Variants in NSL1 observed in about 807,000 individuals in gnomAD.
The protein encoded by NSL1 is kinetochore-associated protein NSL1 homolog.
In NSL1, 11 loss-of-function variants were observed where a neutral mutation model predicts 25.4. That is an observed-to-expected ratio of 0.43 (90% confidence interval 0.27 to 0.72). NSL1 has a LOEUF of 0.72. Among genes scored for constraint, NSL1 ranks in the 30% least tolerant of loss-of-function variants. The pLI, the probability that NSL1 is intolerant of heterozygous loss-of-function variation, is 0.19. For missense variants in NSL1, 330 were observed against 342.7 expected, an observed-to-expected ratio of 0.96 and a Z score of 0.29; for synonymous variants, 118 against 120.6, an observed-to-expected ratio of 0.98 and a Z score of 0.14.
At position 212,728,630 on chromosome 1, in the gene NSL1, C is replaced by T. The variant is rs1158288481; in HGVS notation, c.*9778G>A. On this transcript the variant is annotated 3_prime_UTR_variant, in exon 6 of 6. Transcript: ENST00000366977. ...AATGGTTTCTGAGAATTCTGAGGCT[C>T]TGATCTGATGAGTGAAGGGAACCAC... The T allele has an allele frequency of 5.1e-6, 5 of 985,308 alleles. No individual in the cohort carries two copies. The highest frequency in any genetic ancestry group is 1.2e-4 in the Admixed American group (2 of 16,266). The allele number at this position is 985,308 out of a possible 1,614,324, so 61.0% of individuals were successfully genotyped here.
chr1:212,745,160 C>CAAACTATA (rs1268799355), intron 4 of NSL1, among the ~76,000 whole-genome samples: 20 of 117,606 alleles, frequency 1.7e-4, no homozygotes, highest in East Asian at 5.3e-4. Flanking sequence ...AACAAACAAA[C>CAAACTATA]TATATATATA....
chr1:212,771,548 A>T (rs1424597335), intron 4 of NSL1, among the ~76,000 whole-genome samples: 2 of 150,628 alleles, frequency 1.3e-5, no homozygotes, highest in Non-Finnish European at 3.0e-5. Context: ...GAAATGAGGA[A>T]GTCAAACTGT....
chr1:212,778,355 T>C (rs1362875536), intron 4 of NSL1, among the ~76,000 whole-genome samples: 1 of 152,230 alleles, frequency 6.6e-6, no homozygotes, highest in Non-Finnish European at 1.5e-5. Context: ...CTGCCTAGTT[T>C]TGAAAAACAG....
In NSL1 at chr1:212,732,511, C is replaced by A. The variant is rs1343760381; in HGVS notation, c.*5897G>T. 1.8e-6 allele frequency: 1 copy of A among 558,308 alleles called. No individual in the cohort carries two copies. The highest frequency in any genetic ancestry group is 2.3e-6 in the Non-Finnish European group (1 of 439,828). The allele number at this position is 558,308 out of a possible 1,614,324, so 34.6% of individuals were successfully genotyped here. On this transcript the variant is annotated 3_prime_UTR_variant, in exon 6 of 6. Transcript: ENST00000366977. ...ATTTTTAGTTGTTGGTCAGGCTGGT[C>A]TCCAATTCCCAGCCTCAGGTGATCT...
rs59293969 is a variant in NSL1 at position 212,745,160 on chromosome 1, CTA to C, written c.500-5561_500-5560del. On this transcript the variant is annotated intron_variant, in intron 4 of 5. Coordinates refer to ENST00000366977, the MANE Select transcript of NSL1 (RefSeq NM_015471.4). ...CAAAACAAACAAACAAACAAACAAA[CTA>C]TATATATATATATATATATATATAT... Among the ~76,000 whole-genome samples the C allele has an allele frequency of 5.6e-3, 657 of 117,198 alleles. 4 individuals carry two copies. The highest frequency in any genetic ancestry group is 0.016 in the African/African-American group (394 of 24,536). 76.9% of individuals were successfully genotyped at this position (117,198 alleles called of 152,430 possible).
intron 4 of NSL1, among the ~76,000 whole-genome samples, chr1:212,744,190 C>A (rs1255739698): frequency 6.6e-6 from 1 of 152,058 alleles, no homozygotes. Flanking sequence ...GAAGGCATAT[C>A]CCGACATACA....
At chr1:212,781,431 G>T (rs1660728162) in intron 4 of NSL1, among the ~76,000 whole-genome samples, 1 of 152,098 alleles carries the variant, frequency 6.6e-6, no homozygotes, top group African/African-American at 2.4e-5. Flanking sequence ...CCCCTTTTTA[G>T]TGAACCATGA....
Position 212,736,042 on chromosome 1 carries a change from CTTATTA to C in NSL1, c.*2360_*2365del, listed in dbSNP as rs1306266953. The C allele has an allele frequency of 1.0e-6, 1 of 985,298 alleles. No homozygotes were observed. Among genetic ancestry groups the C allele is most frequent in the Non-Finnish European group, 1.2e-6 (1 of 829,862 alleles). The allele number at this position is 985,298 out of a possible 1,614,324, so 61.0% of individuals were successfully genotyped here. A position where few individuals can be genotyped will look rare whatever the true frequency, so the allele number is the denominator to read the frequency against. On this transcript the variant is annotated 3_prime_UTR_variant, in exon 6 of 6. Transcript: ENST00000366977. Reference sequence around the variant, plus strand: ...CTAGACTTAACCTTCTTGTGTTCTTCTTATTATTATTTTGAAACAGGGTCTCACTCT... The same window carrying C: ...CTAGACTTAACCTTCTTGTGTTCTTCTTATTTTGAAACAGGGTCTCACTCT...
At position 212,734,290 on chromosome 1, in the gene NSL1, A is replaced by T. The variant is rs1658145443; in HGVS notation, c.*4118T>A. Among the ~76,000 whole-genome samples, 1 of 152,220 alleles carries T rather than the reference A, an allele frequency of 6.6e-6. No homozygotes were observed. The highest frequency in any genetic ancestry group is 1.5e-5 in the Non-Finnish European group (1 of 68,042). The stretch of plus-strand genomic sequence containing the variant: ...CCCATCATGTGCCAGCAATTATTCC[A>T]GGTGGATGGAACAAAGATTCCTGCC... On this transcript the variant is annotated 3_prime_UTR_variant, in exon 6 of 6. Coordinates refer to ENST00000366977, the MANE Select transcript of NSL1 (RefSeq NM_015471.4).
rs1372495398 is a variant in NSL1 at position 212,737,834 on chromosome 1, T to C, written c.*574A>G. ...TATCATTGTCTTACACAACAAAAAATCCTAAAGTTAATCTCACAAACCTAA... is the reference window on the plus strand; with the variant it reads ...TATCATTGTCTTACACAACAAAAAACCCTAAAGTTAATCTCACAAACCTAA... On this transcript the variant is annotated 3_prime_UTR_variant, in exon 6 of 6. Coordinates refer to ENST00000366977, the MANE Select transcript of NSL1 (RefSeq NM_015471.4). 1 of 985,154 alleles carries C rather than the reference T, an allele frequency of 1.0e-6. No homozygotes were observed. Among genetic ancestry groups the C allele is most frequent in the African/African-American group, 1.7e-5 (1 of 57,196 alleles). The allele number at this position is 985,154 out of a possible 1,614,324, so 61.0% of individuals were successfully genotyped here. A position where few individuals can be genotyped will look rare whatever the true frequency, so the allele number is the denominator to read the frequency against.
intron 4 of NSL1, among the ~76,000 whole-genome samples, chr1:212,751,300 T>C (rs1470933801): frequency 6.6e-6 from 1 of 152,160 alleles, no homozygotes; most frequent in Non-Finnish European, 1.5e-5. Flanking sequence ...TCTCAATCAA[T>C]CTTATGCAAT....
intron 4 of NSL1, among the ~76,000 whole-genome samples, chr1:212,769,924 T>C (rs1436422583): frequency 1.3e-5 from 2 of 152,166 alleles, no homozygotes; most frequent in Non-Finnish European, 2.9e-5. Context: ...TAAAAAAGTA[T>C]GGCCCAACTA....
In NSL1 at chr1:212,734,687, A is replaced by G. The variant is rs1344689706; in HGVS notation, c.*3721T>C. 1.3e-5 allele frequency among the ~76,000 whole-genome samples: 2 copies of G among 152,202 alleles called. No homozygotes were observed. Among genetic ancestry groups the G allele is most frequent in the Admixed American group, 6.5e-5 (1 of 15,280 alleles). On this transcript the variant is annotated 3_prime_UTR_variant, in exon 6 of 6. Coordinates refer to ENST00000366977, the MANE Select transcript of NSL1 (RefSeq NM_015471.4). ...ATCTTTGATATTGATCCACATTGTTATAACAGTAATTTGTTCTTTATTCCT... is the reference window on the plus strand; with the variant it reads ...ATCTTTGATATTGATCCACATTGTTGTAACAGTAATTTGTTCTTTATTCCT...
intron 4 of NSL1, among the ~76,000 whole-genome samples, chr1:212,769,780 A>G (rs1483365901): frequency 6.6e-6 from 1 of 152,186 alleles, no homozygotes; most frequent in African/African-American, 2.4e-5. Context: ...ACAATGAGAG[A>G]AAGGAACAAA....
At chr1:212,764,879 A>AAAAAAAAAAAAAAAAAG (rs1659733993) in intron 4 of NSL1, among the ~76,000 whole-genome samples, 1 of 136,638 alleles carries the variant, frequency 7.3e-6, no homozygotes, top group African/African-American at 3.0e-5. Context: ...AAAGAAAGAA[A>AAAAAAAAAAAAAAAAAG]GAAAAAAAAA....
intron 4 of NSL1, among the ~76,000 whole-genome samples, chr1:212,772,500 C>A (rs1382016526): frequency 6.6e-6 from 1 of 150,650 alleles, no homozygotes; most frequent in Non-Finnish European, 1.5e-5. Flanking sequence ...TACCAAAAAA[C>A]AAAAATAAAT....
chr1:212,748,032 C>T (rs61829226), intron 4 of NSL1, among the ~76,000 whole-genome samples: 60,681 of 151,542 alleles, frequency 0.4, 13,703 homozygotes, highest in Non-Finnish European at 0.5. Flanking sequence ...TCCCAAAGTG[C>T]TGGGATTACA....
Position 212,760,728 on chromosome 1 carries a change from C to T in NSL1, c.500-21127G>A, listed in dbSNP as rs1659526607. Among the ~76,000 whole-genome samples, 2 of 152,168 alleles carry T rather than the reference C, an allele frequency of 1.3e-5. No individual in the cohort carries two copies. The highest frequency in any genetic ancestry group is 2.9e-5 in the Non-Finnish European group (2 of 68,026). On this transcript the variant is annotated intron_variant, in intron 4 of 5. Coordinates refer to ENST00000366977, the MANE Select transcript of NSL1 (RefSeq NM_015471.4). This position sits in a 1 kb window ranked among gnomAD's most constrained non-coding sequence, Gnocchi z 4.3. ...GCCCAGGGACTCATGAAACCACCTG[C>T]CTGCCCATCCCATTGCTGTCACTGC... is the stretch of plus-strand genomic sequence containing the variant.
In NSL1 at chr1:212,776,228, T is replaced by C. The variant is rs555454368; in HGVS notation, c.499+6144A>G. Reference sequence around the variant, plus strand: ...AAAACACAAAATTAGCTGGGTGTGGTGGCACATGCCTATAATCCCAGCTAC... The same window carrying C: ...AAAACACAAAATTAGCTGGGTGTGGCGGCACATGCCTATAATCCCAGCTAC... On this transcript the variant is annotated intron_variant, in intron 4 of 5. Transcript: ENST00000366977. Among the ~76,000 whole-genome samples, 300 of 152,198 alleles carry C rather than the reference T, an allele frequency of 2.0e-3. 1 individual carries two copies. Among genetic ancestry groups the C allele is most frequent in the African/African-American group, 6.7e-3 (278 of 41,522 alleles).
Sources: allele counts gnomAD v4.1 joint callset (sites outside exome capture counted in the v4.1 genomes callset), GRCh38; gene constraint gnomAD v4.1.1; non-coding constraint Gnocchi (gnomAD v3.1); transcripts MANE v1.5; gene names NCBI Gene and HGNC (gene_info 2026-07-23, HGNC 2026-07-21).